HCN1: variants seen among roughly 807,000 people sequenced by gnomAD.
HCN1 encodes the protein hyperpolarization activated cyclic nucleotide gated potassium channel 1.
A neutral mutation model predicts 78.9 loss-of-function variants in HCN1; 13 were observed. The ratio of observed to expected loss-of-function variants is 0.16; its 90% CI spans 0.11 to 0.26. The LOEUF (loss-of-function observed/expected upper bound fraction) is 0.26, where lower values mean the gene tolerates loss of function less well. Ranked by LOEUF, HCN1 falls within the 10% of genes least tolerant of loss-of-function variation. The pLI, the probability that HCN1 is intolerant of heterozygous loss-of-function variation, is 1.00. For missense variants in HCN1, 810 were observed against 1,154.3 expected (o/e 0.70, Z 4.32); for synonymous variants, 552 against 455.5 (o/e 1.21, Z -2.70).
chr5:45,467,667 C>A (rs927692281), intron 2 of HCN1, among the ~76,000 whole-genome samples: 6 of 152,036 alleles, frequency 3.9e-5, no homozygotes, highest in Admixed American at 2.0e-4. Flanking sequence ...TTCCTAACAA[C>A]AACCCATTCT....
chr5:45,515,306 A>G (rs2111766292), intron 2 of HCN1, among the ~76,000 whole-genome samples: 1 of 152,144 alleles, frequency 6.6e-6, no homozygotes, highest in Admixed American at 6.6e-5. Context: ...ATACTTAACT[A>G]CATAGTATCA....
intron 2 of HCN1, among the ~76,000 whole-genome samples, chr5:45,610,475 C>T (rs148818531): frequency 4.0e-4 from 60 of 150,060 alleles, no homozygotes; most frequent in Middle Eastern, 5.4e-3. Flanking sequence ...TTATATATTG[C>T]GATATGTGTG....
intron 2 of HCN1, among the ~76,000 whole-genome samples, chr5:45,539,596 C>T (rs1427535836): frequency 5.3e-5 from 8 of 150,724 alleles, no homozygotes; most frequent in African/African-American, 1.7e-4. Flanking sequence ...ACCCGGGAGA[C>T]GGAGCTTGCA....
At chr5:45,674,382 C>T (rs995724914) in intron 1 of HCN1, among the ~76,000 whole-genome samples, 1 of 151,594 alleles carries the variant, frequency 6.6e-6, no homozygotes, top group African/African-American at 2.4e-5. Context: ...AAGAGGAAAA[C>T]ATTCATTCTA....
At chr5:45,670,753 T>A (rs888125053) in intron 1 of HCN1, among the ~76,000 whole-genome samples, 1 of 151,680 alleles carries the variant, frequency 6.6e-6, no homozygotes, top group African/African-American at 2.4e-5. Flanking sequence ...AATCCTTCTT[T>A]CAATGCATAT....
chr5:45,521,166 A>G (rs1742605417), intron 2 of HCN1, among the ~76,000 whole-genome samples: 1 of 151,872 alleles, frequency 6.6e-6, no homozygotes, highest in Non-Finnish European at 1.5e-5. Context: ...ATATAGAGAG[A>G]GCACCCTAAA....
intron 2 of HCN1, among the ~76,000 whole-genome samples, chr5:45,474,754 G>T (rs915263611): frequency 2.0e-5 from 3 of 151,796 alleles, no homozygotes; most frequent in Non-Finnish European, 2.9e-5. Flanking sequence ...CCAACTATGG[G>T]TTATACAATC....
intron 4 of HCN1, among the ~76,000 whole-genome samples, chr5:45,378,117 A>G (rs970443436): frequency 4.6e-5 from 7 of 151,944 alleles, no homozygotes; most frequent in African/African-American, 1.7e-4. Context: ...GACTATGTTA[A>G]TTTTACAGAT....
intron 2 of HCN1, among the ~76,000 whole-genome samples, chr5:45,481,996 T>C (rs1452101416): frequency 6.6e-6 from 1 of 152,098 alleles, no homozygotes; most frequent in Non-Finnish European, 1.5e-5. Flanking sequence ...AAAACAAATG[T>C]AGTTGGGTAT....
At chr5:45,576,581 C>T (rs577188115) in intron 2 of HCN1, 1 of 152,040 alleles carries the variant, frequency 6.6e-6, no homozygotes, top group African/African-American at 2.4e-5. Flanking sequence ...AGACCTCCCA[C>T]CAGCAAAAAG....
At chr5:45,562,456 G>A (rs1196350579) in intron 2 of HCN1, among the ~76,000 whole-genome samples, 2 of 152,042 alleles carry the variant, frequency 1.3e-5, no homozygotes, top group Non-Finnish European at 2.9e-5. Flanking sequence ...AGGATCACTT[G>A]AGCCCAGCAA....
intron 2 of HCN1, among the ~76,000 whole-genome samples, chr5:45,479,411 C>T (rs759210262): frequency 6.3e-4 from 96 of 152,080 alleles, no homozygotes; most frequent in Admixed American, 6.5e-4. Flanking sequence ...TTTAGGAATA[C>T]CATCCCTTTA....
At chr5:45,632,263 C>T (rs1262231919) in intron 2 of HCN1, among the ~76,000 whole-genome samples, 2 of 151,202 alleles carry the variant, frequency 1.3e-5, no homozygotes, top group African/African-American at 4.9e-5. Flanking sequence ...TTCCTTGATC[C>T]AATGCTAATG....
intron 1 of HCN1, among the ~76,000 whole-genome samples, chr5:45,678,509 G>A (rs527723331): frequency 7.9e-5 from 12 of 151,770 alleles, no homozygotes; most frequent in Non-Finnish European, 1.2e-4. Context: ...TAATAACTGC[G>A]TCTCTCCTCA....
At chr5:45,416,705 AC>A (rs1740126044) in intron 3 of HCN1, among the ~76,000 whole-genome samples, 1 of 151,964 alleles carries the variant, frequency 6.6e-6, no homozygotes, top group Non-Finnish European at 1.5e-5. Flanking sequence ...AAGCAGAACA[AC>A]TTTTTCACTT....
chr5:45,593,800 G>A (rs922594191), intron 2 of HCN1, among the ~76,000 whole-genome samples: 2 of 151,966 alleles, frequency 1.3e-5, no homozygotes, highest in Non-Finnish European at 2.9e-5. Flanking sequence ...TCAGTCTCCT[G>A]AGTAGCTGGA....
intron 2 of HCN1, among the ~76,000 whole-genome samples, chr5:45,546,634 T>C (rs1194045940): frequency 6.6e-6 from 1 of 151,872 alleles, no homozygotes; most frequent in Non-Finnish European, 1.5e-5. Flanking sequence ...ATTTCCTCCA[T>C]AATATTTTAC....
intron 5 of HCN1, among the ~76,000 whole-genome samples, chr5:45,335,549 C>G (rs1388742297): frequency 6.6e-6 from 1 of 151,982 alleles, no homozygotes; most frequent in African/African-American, 2.4e-5. Context: ...GGTTTGGTGT[C>G]CCTCCTGAGT....
chr5:45,319,696 G>T (rs1366010231), intron 5 of HCN1, among the ~76,000 whole-genome samples: 16 of 144,198 alleles, frequency 1.1e-4, no homozygotes, highest in Admixed American at 7.0e-4. Flanking sequence ...TTGTTTCCTG[G>T]TTTTTTTTTT....
Sources: allele counts gnomAD v4.1 joint callset (sites outside exome capture counted in the v4.1 genomes callset), GRCh38; gene constraint gnomAD v4.1.1; transcripts MANE v1.5; gene names NCBI Gene and HGNC (gene_info 2026-07-23, HGNC 2026-07-21).